Variants in SLCO1B1 observed in about 807,000 individuals in gnomAD.
The protein encoded by SLCO1B1 is solute carrier organic anion transporter family member 1B1.
Under a neutral mutation model 70.1 loss-of-function variants are expected in SLCO1B1, and 81 were observed. That is an observed-to-expected ratio of 1.16 (90% CI 0.97 to 1.39). The LOEUF is 1.39. Among genes scored for constraint, SLCO1B1 ranks in the 40% most tolerant of loss-of-function variants. SLCO1B1 has a pLI of 0.00. For missense variants in SLCO1B1, 895 were observed against 799.6 expected (o/e 1.12, Z -1.44); for synonymous variants, 283 against 271.5 (o/e 1.04, Z -0.42).
intron 7 of SLCO1B1, among the ~76,000 whole-genome samples, chr12:21,186,324 G>A (rs76835577): frequency 0.12 from 18,260 of 152,038 alleles, 1,497 homozygotes; most frequent in Non-Finnish European, 0.18. Flanking sequence ...TCCTGTAATT[G>A]TAGTAATAAG....
Position 21,174,727 on chromosome 12 carries a change from A to T in SLCO1B1, c.359+18A>T. The T allele has an allele frequency of 6.2e-7, 1 of 1,608,416 alleles. No homozygotes were observed. Among genetic ancestry groups the T allele is most frequent in the Non-Finnish European group, 8.5e-7 (1 of 1,178,826 alleles). ...ATGGGATAGTAAGTGTTAAAAAAAA[A>T]AAAAACCTCTGTGCCACTATCAGTA... is the stretch of plus-strand genomic sequence containing the variant. On this transcript the variant is annotated intron_variant, in intron 4 of 14. Transcript: ENST00000256958.
chr12:21,141,878 A>C (rs1200437151), intron 2 of SLCO1B1, among the ~76,000 whole-genome samples: 4 of 151,830 alleles, frequency 2.6e-5, no homozygotes, highest in African/African-American at 9.7e-5. Context: ...ATAGTTTATC[A>C]ATGTAGAAAA....
chr12:21,136,709 G>A (rs1196398946), intron 1 of SLCO1B1, among the ~76,000 whole-genome samples: 1 of 151,968 alleles, frequency 6.6e-6, no homozygotes, highest in Non-Finnish European at 1.5e-5. Flanking sequence ...TCTCTGCATT[G>A]GTTATTCTAG....
In SLCO1B1 at chr12:21,176,849, A is replaced by G; in HGVS notation, c.433A>G (p.Asn145Asp). The change falls in exon 5 of 15, where the codon AAT becomes GAT. Residue 145 changes from asparagine (N) to aspartate (D), a missense_variant. Physicochemically the swap from Asn to Asp is conservative, Grantham distance 23. Coordinates refer to ENST00000256958, the MANE Select transcript of SLCO1B1 (RefSeq NM_006446.5). ...ATCGACCTTATCCACTTGTTTAATT[A>G]ATCAAATTTTATCACTCAATAGAGC... ...STSTLSTCLI[N>D]QILSLNRASP... The G allele has an allele frequency of 6.4e-7, 1 of 1,556,444 alleles. No homozygotes were observed. Among genetic ancestry groups the G allele is most frequent in the Non-Finnish European group, 8.9e-7 (1 of 1,127,438 alleles).
At chr12:21,206,090 A>G in intron 11 of SLCO1B1, 57 bp downstream of exon 11, 1 of 1,402,780 alleles carries the variant, frequency 7.1e-7, no homozygotes, top group Non-Finnish European at 1.0e-6. Flanking sequence ...TAGATTGAAC[A>G]ATTTTTTACC....
chr12:21,235,483 T>C (rs1163479303), intron 14 of SLCO1B1, among the ~76,000 whole-genome samples: 1 of 150,714 alleles, frequency 6.6e-6, no homozygotes, highest in East Asian at 1.9e-4. Flanking sequence ...GGTTGCCTTT[T>C]TTTTTTTAAT....
chr12:21,157,467 A>G (rs1402267679), intron 2 of SLCO1B1, among the ~76,000 whole-genome samples: 1 of 152,208 alleles, frequency 6.6e-6, no homozygotes, highest in Non-Finnish European at 1.5e-5. Context: ...AACTAAAACT[A>G]TGGAAACTGA....
At chr12:21,221,563 A>T (rs1250441075) in intron 12 of SLCO1B1, among the ~76,000 whole-genome samples, 2 of 152,130 alleles carry the variant, frequency 1.3e-5, no homozygotes, top group Non-Finnish European at 2.9e-5. Context: ...ATACAAAAAA[A>T]CTCATCAAGA....
intron 9 of SLCO1B1, among the ~76,000 whole-genome samples, chr12:21,201,198 G>C (rs1941153601): frequency 6.6e-6 from 1 of 151,990 alleles, no homozygotes; most frequent in African/African-American, 2.4e-5. Flanking sequence ...AAGTTTCCTT[G>C]TATTATTCTT....
Position 21,172,758 on chromosome 12 carries a change from C to G in SLCO1B1, c.193C>G (p.Leu65Val), listed in dbSNP as rs766895771. 2.0e-5 allele frequency: 32 copies of G among 1,613,290 alleles called. No individual in the cohort carries two copies. The highest frequency in any genetic ancestry group is 4.0e-5 in the African/African-American group (3 of 74,902). The change falls in exon 3 of 15, where the codon CTT (leucine) becomes GTT (valine). Residue 65 changes from leucine (L) to valine (V), a missense_variant. Leu to Val is a conservative substitution (Grantham distance 32). Transcript: ENST00000256958. ...ACGGAGATTTGAGATATCCTCTTCTCTTGTTGGTTTTATTGACGGAAGCTT... is the reference window on the plus strand; with the variant it reads ...ACGGAGATTTGAGATATCCTCTTCTGTTGTTGGTTTTATTGACGGAAGCTT... ...IERRFEISSS[L>V]VGFIDGSFEI...
At chr12:21,232,183 G>A (rs935226186) in intron 14 of SLCO1B1, among the ~76,000 whole-genome samples, 5 of 152,178 alleles carry the variant, frequency 3.3e-5, no homozygotes, top group Admixed American at 2.0e-4. Flanking sequence ...GCCAAGAATT[G>A]AGTCCCAGGC....
intron 11 of SLCO1B1, among the ~76,000 whole-genome samples, chr12:21,215,419 G>A (rs1222941614): frequency 6.6e-6 from 1 of 152,122 alleles, no homozygotes; most frequent in Non-Finnish European, 1.5e-5. Context: ...AGCTTTTTCT[G>A]CATCTGGTGA....
intron 12 of SLCO1B1, among the ~76,000 whole-genome samples, chr12:21,220,406 G>T (rs1165343844): frequency 6.6e-6 from 1 of 151,960 alleles, no homozygotes. Flanking sequence ...TAGAGACAAG[G>T]TCTCATTTTG....
intron 7 of SLCO1B1, among the ~76,000 whole-genome samples, chr12:21,190,907 C>T (rs1941022931): frequency 6.6e-6 from 1 of 151,866 alleles, no homozygotes; most frequent in African/African-American, 2.4e-5. Flanking sequence ...AGAAATTAAC[C>T]CCTTTTCATA....
intron 2 of SLCO1B1, among the ~76,000 whole-genome samples, chr12:21,155,888 C>CAGCTGCTCTGATTCAG (rs1482401315): frequency 3.3e-5 from 5 of 152,168 alleles, no homozygotes; most frequent in Non-Finnish European, 7.3e-5. Flanking sequence ...CTCCTTTGCT[C>CAGCTGCTCTGATTCAG]AGCTGCTCTG....
intron 2 of SLCO1B1, among the ~76,000 whole-genome samples, chr12:21,154,146 A>G (rs549814378): frequency 1.3e-5 from 2 of 151,986 alleles, no homozygotes; most frequent in South Asian, 2.1e-4. Flanking sequence ...GTATATGCCT[A>G]TCTCTCTCAT....
At chr12:21,180,106 A>G (rs12812279) in intron 7 of SLCO1B1, among the ~76,000 whole-genome samples, 17,051 of 151,976 alleles carry the variant, frequency 0.11, 1,221 homozygotes, top group Non-Finnish European at 0.16. Flanking sequence ...TTCTTCATCC[A>G]TTTTCCCTCC....
chr12:21,185,758 G>A (rs1328450366), intron 7 of SLCO1B1, among the ~76,000 whole-genome samples: 1 of 151,852 alleles, frequency 6.6e-6, no homozygotes, highest in Non-Finnish European at 1.5e-5. Context: ...GATGCAAAAT[G>A]TATACAAAAG....
At chr12:21,140,831 C>G (rs184689474) in intron 1 of SLCO1B1, among the ~76,000 whole-genome samples, 208 of 151,920 alleles carry the variant, frequency 1.4e-3, no homozygotes, top group African/African-American at 4.5e-3. Context: ...GAGGAAGAAT[C>G]TTTGTTTTAT....
Sources: allele counts gnomAD v4.1 joint callset (sites outside exome capture counted in the v4.1 genomes callset), GRCh38; gene constraint gnomAD v4.1.1; transcripts MANE v1.5; gene names NCBI Gene and HGNC (gene_info 2026-07-23, HGNC 2026-07-21).